The following ADAMTS3 variants were observed in gnomAD, a reference collection of about 807,000 sequenced individuals.
ADAMTS3 encodes the protein ADAM metallopeptidase with thrombospondin type 1 motif 3, also known as A disintegrin and metalloproteinase with thrombospondin motifs 3.
ADAMTS3 carries 73 observed loss-of-function variants against 129.0 expected under a neutral mutation model. The observed-to-expected ratio is 0.57, with a 90% confidence interval of 0.47 to 0.69. The LOEUF is 0.69. Among genes scored for constraint, ADAMTS3 ranks in the 30% least tolerant of loss-of-function variants. ADAMTS3 has a pLI of 0.00. For missense variants in ADAMTS3, 1,457 were observed against 1,514.5 expected (o/e 0.96, Z 0.63); for synonymous variants, 477 against 510.8 (o/e 0.93, Z 0.89).
rs1462038969 is a variant in ADAMTS3, at chr4:72,409,483, C to T, written c.661+5332G>A. 3.9e-5 allele frequency among the ~76,000 whole-genome samples: 6 copies of T among 152,124 alleles called. No homozygotes were observed. The South Asian group carries it at 1.0e-3, about 26-fold the overall frequency. On this transcript the variant is annotated intron_variant, in intron 4 of 21. Transcript: ENST00000286657. ...TCCCAGTTCTCTTTCTCCATTAATG[C>T]AAGATCAAGAACTAAATAGTAATCC...
intron 4 of ADAMTS3, among the ~76,000 whole-genome samples, chr4:72,375,296 G>A (rs901375829): frequency 2.6e-5 from 4 of 152,130 alleles, no homozygotes; most frequent in Non-Finnish European, 5.9e-5. Flanking sequence ...CCCCCAGGCC[G>A]CCAAAGCATT....
In ADAMTS3 at chr4:72,311,062, G is replaced by A. The variant is rs1719220487; in HGVS notation, c.2041C>T (p.Arg681Ter). 1.9e-6 allele frequency: 3 copies of A among 1,606,698 alleles called. No individual in the cohort carries two copies. The highest frequency in any genetic ancestry group is 1.7e-6 in the Non-Finnish European group (2 of 1,175,632). Residue 681 changes from arginine to a stop codon, truncating the protein, a stop_gained, in exon 14 of 22, where the codon CGA (arginine) becomes TGA (stop). Transcript: ENST00000286657. LOFTEE classifies it high-confidence loss of function. ...TTTGAACTTACCACACACTCTCCTC[G>A]CACACATATGCTATATGGATCTTTG... ...SYKDPYSICV[R>*]GECVKVGCDK...
intron 3 of ADAMTS3, among the ~76,000 whole-genome samples, chr4:72,428,787 C>T (rs1448568224): frequency 2.6e-5 from 4 of 152,134 alleles, no homozygotes; most frequent in African/African-American, 9.6e-5. Flanking sequence ...TCTAAGATGT[C>T]TCCCAATTCA....
At chr4:72,325,669 A>T (rs1719680145) in intron 5 of ADAMTS3, among the ~76,000 whole-genome samples, 1 of 152,202 alleles carries the variant, frequency 6.6e-6, no homozygotes, top group African/African-American at 2.4e-5. Context: ...AAACAGAAAA[A>T]GTGAATTAAT....
intron 2 of ADAMTS3, among the ~76,000 whole-genome samples, chr4:72,555,569 A>C (rs1721742557): frequency 6.6e-6 from 1 of 151,870 alleles, no homozygotes; most frequent in African/African-American, 2.4e-5. Flanking sequence ...TGTCTGTACA[A>C]AAGTTTTTTA....
chr4:72,373,072 G>C (rs574625447), intron 4 of ADAMTS3, among the ~76,000 whole-genome samples: 3 of 152,192 alleles, frequency 2.0e-5, no homozygotes, highest in African/African-American at 7.2e-5. Context: ...TGTGATAATT[G>C]TTCTTCTGTG....
chr4:72,364,208 A>G (rs1720808437), intron 4 of ADAMTS3, among the ~76,000 whole-genome samples: 3 of 152,188 alleles, frequency 2.0e-5, no homozygotes. Context: ...GTACATGTAC[A>G]CACACGCACA....
intron 18 of ADAMTS3, among the ~76,000 whole-genome samples, chr4:72,296,199 G>C (rs1350912603): frequency 6.6e-6 from 1 of 152,032 alleles, no homozygotes; most frequent in Non-Finnish European, 1.5e-5. Flanking sequence ...TAGAGGATCA[G>C]TACTTTTCTT....
chr4:72,288,646 T>G, intron 21 of ADAMTS3, 105 bp downstream of exon 21: 1 of 750,014 alleles, frequency 1.3e-6, no homozygotes, highest in Non-Finnish European at 2.3e-6. Flanking sequence ...CTTTGGTTAT[T>G]TATCAGTAAA....
rs1560563722 is a variant in ADAMTS3 at position 72,549,967 on chromosome 4, AGAAGAAGAAGAAGAAGAAGAAGAAGAG to A, written c.98-1110_98-1084del. ...AACAAGGGTAAAAAAAAAAAAAAGA[AGAAGAAGAAGAAGAAGAAGAAGAAGAG>A]GAAGAGGAAGAAGAAGAAGAAGAAG... On this transcript the variant is annotated intron_variant, in intron 2 of 21. Transcript: ENST00000286657. 2.3e-4 allele frequency among the ~76,000 whole-genome samples: 15 copies of A among 65,018 alleles called. 1 individual carries two copies. Among genetic ancestry groups the A allele is most frequent in the African/African-American group, 9.8e-4 (13 of 13,304 alleles). 42.7% of individuals were successfully genotyped at this position (65,018 alleles called of 152,430 possible).
chr4:72,363,361 A>T (rs1001935168), intron 4 of ADAMTS3, among the ~76,000 whole-genome samples: 4 of 152,168 alleles, frequency 2.6e-5, no homozygotes, highest in Non-Finnish European at 4.4e-5. Flanking sequence ...AGACTTGTAG[A>T]ATATATCAAA....
intron 3 of ADAMTS3, among the ~76,000 whole-genome samples, chr4:72,514,266 G>C (rs1025107362): frequency 6.6e-6 from 1 of 152,098 alleles, no homozygotes; most frequent in Non-Finnish European, 1.5e-5. Context: ...GCCCATACAA[G>C]TTACAAGTAC....
intron 3 of ADAMTS3, among the ~76,000 whole-genome samples, chr4:72,512,542 CACA>C (rs1256409002): frequency 6.6e-6 from 1 of 152,052 alleles, no homozygotes; most frequent in Non-Finnish European, 1.5e-5. Flanking sequence ...GATAGCATAG[CACA>C]ACAAGGTGAC....
At chr4:72,390,891 A>AT (rs1237989334) in intron 4 of ADAMTS3, among the ~76,000 whole-genome samples, 1 of 53,452 alleles carries the variant, frequency 1.9e-5, no homozygotes, top group African/African-American at 3.8e-5. Context: ...CCTAGAAAAA[A>AT]TTAAAAAAAA....
chr4:72,321,224 T>G (rs1719546536), intron 6 of ADAMTS3, among the ~76,000 whole-genome samples: 1 of 152,180 alleles, frequency 6.6e-6, no homozygotes, highest in Non-Finnish European at 1.5e-5. Flanking sequence ...CAGGCTGAAG[T>G]GCAGTGGCAC....
At chr4:72,407,427 C>T (rs767935974) in intron 4 of ADAMTS3, among the ~76,000 whole-genome samples, 13 of 152,080 alleles carry the variant, frequency 8.5e-5, no homozygotes, top group Non-Finnish European at 1.6e-4. Context: ...TTAGACATGG[C>T]TTTTATCCCT....
rs1416674181 is a variant in ADAMTS3 at position 72,568,926 on chromosome 4, G to A, written c.-164C>T. On this transcript the variant is annotated 5_prime_UTR_variant, in exon 1 of 22. Coordinates refer to ENST00000286657, the MANE Select transcript of ADAMTS3 (RefSeq NM_014243.3). ...CTTTGCTTCAATGAAAATGAAATTT[G>A]AGCTCTGAGACTGGCCCCCTCTGCT... is the stretch of plus-strand genomic sequence containing the variant. The A allele has an allele frequency of 1.6e-6, 1 of 638,010 alleles. No individual in the cohort carries two copies. The highest frequency in any genetic ancestry group is 1.9e-5 in the African/African-American group (1 of 53,408). The allele number at this position is 638,010 out of a possible 1,614,324, so 39.5% of individuals were successfully genotyped here.
At chr4:72,426,832 T>G (rs973458505) in intron 3 of ADAMTS3, among the ~76,000 whole-genome samples, 3 of 152,086 alleles carry the variant, frequency 2.0e-5, no homozygotes, top group African/African-American at 7.2e-5. Flanking sequence ...AGGTCAAGAC[T>G]GCAGTGAGCC....
chr4:72,486,768 A>G (rs995455752), intron 3 of ADAMTS3, among the ~76,000 whole-genome samples: 7 of 152,314 alleles, frequency 4.6e-5, no homozygotes, highest in African/African-American at 1.7e-4. Flanking sequence ...GGGTCAATGC[A>G]CTACTTAGAA....
Sources: gnomAD v4.1 joint callset for allele counts (sites outside exome capture counted in the v4.1 genomes callset) on GRCh38, gnomAD v4.1.1 for gene constraint, MANE v1.5 for transcripts, NCBI Gene and HGNC (gene_info 2026-07-23, HGNC 2026-07-21) for gene names.